CIBAR1: variants seen among roughly 807,000 people sequenced by gnomAD.
CIBAR1 encodes CBY1-interacting BAR domain-containing protein 1.
A neutral mutation model predicts 44.0 loss-of-function variants in CIBAR1; 25 were observed. That is an observed-to-expected ratio of 0.57 (90% confidence interval 0.41 to 0.79). The LOEUF (loss-of-function observed/expected upper bound fraction) is 0.79. Ranked by LOEUF, CIBAR1 falls within the 30% of genes least tolerant of loss-of-function variation. The probability of loss-of-function intolerance (pLI) is 0.00; values close to 1 mark genes in which losing one functional copy is unlikely to be tolerated. For synonymous variants in CIBAR1, 115 were observed against 119.0 expected (o/e 0.97, Z 0.22); for missense variants, 278 against 344.8 (o/e 0.81, Z 1.53).
chr8:93,723,851 G>GT (rs2130376891), intron 7 of CIBAR1, among the ~76,000 whole-genome samples: 1 of 152,248 alleles, frequency 6.6e-6, no homozygotes, highest in Admixed American at 6.5e-5. Flanking sequence ...ACAGTTTGTT[G>GT]TAATTCTAGG....
chr8:93,711,772 C>T (rs1810832749), intron 6 of CIBAR1, among the ~76,000 whole-genome samples: 1 of 152,158 alleles, frequency 6.6e-6, no homozygotes, highest in South Asian at 2.1e-4. Context: ...TTTTCATTTA[C>T]ACATGGAAAT....
At chr8:93,725,717 T>C (rs1362011674) in intron 7 of CIBAR1, 2 of 151,914 alleles carry the variant, frequency 1.3e-5, no homozygotes, top group African/African-American at 4.8e-5. Flanking sequence ...AAAATGCACA[T>C]TGGAACTAAA....
chr8:93,714,952 G>A (rs1048137916), intron 6 of CIBAR1, among the ~76,000 whole-genome samples: 1 of 152,222 alleles, frequency 6.6e-6, no homozygotes, highest in Non-Finnish European at 1.5e-5. Flanking sequence ...TCAGGCTACT[G>A]CTTCTGATAA....
intron 7 of CIBAR1, among the ~76,000 whole-genome samples, chr8:93,724,767 C>G (rs556237478): frequency 6.6e-6 from 1 of 152,290 alleles, no homozygotes; most frequent in Non-Finnish European, 1.5e-5. Context: ...CCACGTGAAC[C>G]ACATTTCAAG....
At chr8:93,725,074 C>T (rs1377324891) in intron 7 of CIBAR1, among the ~76,000 whole-genome samples, 1 of 152,072 alleles carries the variant, frequency 6.6e-6, no homozygotes. Context: ...CCTCTGCCTC[C>T]CAGGCTCAAG....
chr8:93,708,050 C>G (rs1316397253), intron 5 of CIBAR1, 34 bp downstream of exon 5: 2 of 1,522,674 alleles, frequency 1.3e-6, no homozygotes, highest in Admixed American at 3.7e-5. Context: ...AGAAATGGAT[C>G]CTTATAGTAA....
At chr8:93,701,559 G>C in intron 2 of CIBAR1, 101 bp downstream of exon 2, 2 of 941,748 alleles carry the variant, frequency 2.1e-6, no homozygotes, top group Non-Finnish European at 3.2e-6. Context: ...AACTGCAGAG[G>C]TGGATGCAAA....
chr8:93,711,059 A>G (rs1320134034), intron 6 of CIBAR1, among the ~76,000 whole-genome samples: 1 of 152,202 alleles, frequency 6.6e-6, no homozygotes, highest in Non-Finnish European at 1.5e-5. Context: ...ATGATATGGT[A>G]TCTTAGTCAA....
chr8:93,702,340 G>C (rs1454803260), intron 2 of CIBAR1: 1 of 390,828 alleles, frequency 2.6e-6, no homozygotes, highest in Admixed American at 3.2e-5. Flanking sequence ...AATTATATAT[G>C]ATAACTGGGG....
At chr8:93,728,088 T>G in intron 8 of CIBAR1, 117 bp from the exon 9 acceptor site, 1 of 498,184 alleles carries the variant, frequency 2.0e-6, no homozygotes, top group East Asian at 3.7e-5. Context: ...AATTATGACA[T>G]GGACATTTTT....
Position 93,729,217 on chromosome 8 carries a change from A to G in CIBAR1, c.*920A>G, listed in dbSNP as rs1219451980. 7 of 152,156 alleles carry G rather than the reference A, an allele frequency of 4.6e-5. No individual in the cohort carries two copies. Among genetic ancestry groups the G allele is most frequent in the Non-Finnish European group, 8.8e-5 (6 of 67,976 alleles). The allele number at this position is 152,156 out of a possible 1,614,324, so 9.4% of individuals were successfully genotyped here. A position where few individuals can be genotyped will look rare whatever the true frequency, so the allele number is the denominator to read the frequency against. ...GGATAATTAGAAAATGCAATTATTC[A>G]TAACAGAAAAATAAAGACTTTCTAG... On this transcript the variant is annotated 3_prime_UTR_variant, in exon 9 of 9. Coordinates refer to ENST00000518322, the MANE Select transcript of CIBAR1 (RefSeq NM_145269.5).
rs1008373500 is a variant in CIBAR1 at position 93,701,024 on chromosome 8, C to T, written c.27-200C>T. ...TAAGGCCAGGCCCACCCGGCCTGGG[C>T]CTTTTCCTGTGCCTACACAGTCCGG... On this transcript the variant is annotated intron_variant, in intron 1 of 8. Coordinates refer to ENST00000518322, the MANE Select transcript of CIBAR1 (RefSeq NM_145269.5). The T allele has an allele frequency of 1.9e-5, 27 of 1,431,002 alleles. No homozygotes were observed. In the African/African-American group the frequency reaches 3.7e-4, roughly 20 times the overall value. The allele number at this position is 1,431,002 out of a possible 1,614,324, so 88.6% of individuals were successfully genotyped here.
intron 8 of CIBAR1, 200 bp downstream of exon 8, chr8:93,726,713 T>C: frequency 1.8e-6 from 1 of 568,062 alleles, no homozygotes; most frequent in Non-Finnish European, 3.0e-6. Context: ...TGTAATTACA[T>C]ATTACTCTCT....
At chr8:93,701,065 C>A in intron 1 of CIBAR1, 159 bp from the exon 2 acceptor site, 1 of 1,472,630 alleles carries the variant, frequency 6.8e-7, no homozygotes. Context: ...GAGGTCAGGA[C>A]CCCATGGAGA....
intron 7 of CIBAR1, 144 bp downstream of exon 7, chr8:93,718,932 C>T (rs1365181719): frequency 9.4e-6 from 4 of 426,484 alleles, no homozygotes; most frequent in African/African-American, 6.1e-5. Flanking sequence ...AGTGTGATCT[C>T]AGCTCACTGC....
intron 8 of CIBAR1, among the ~76,000 whole-genome samples, chr8:93,727,587 T>G (rs962526994): frequency 1.3e-5 from 2 of 152,158 alleles, no homozygotes; most frequent in African/African-American, 4.8e-5. Context: ...CAAGCAGATA[T>G]TAGCATCCCC....
rs934827849 is a variant in CIBAR1 at position 93,730,258 on chromosome 8, C to T, written c.*1961C>T. 4.6e-5 allele frequency: 7 copies of T among 152,188 alleles called. No individual in the cohort carries two copies. Among genetic ancestry groups the T allele is most frequent in the Non-Finnish European group, 8.8e-5 (6 of 68,044 alleles). The allele number at this position is 152,188 out of a possible 1,614,324, so 9.4% of individuals were successfully genotyped here. A position where few individuals can be genotyped will look rare whatever the true frequency, so the allele number is the denominator to read the frequency against. ...TGCAAAAACAGAGGCAGCAAGGTCA[C>T]TACTTAACAGGTGATATATGGATCA... On this transcript the variant is annotated 3_prime_UTR_variant, in exon 9 of 9. Coordinates refer to ENST00000518322, the MANE Select transcript of CIBAR1 (RefSeq NM_145269.5).
At chr8:93,713,315 G>T (rs1810906990) in intron 6 of CIBAR1, among the ~76,000 whole-genome samples, 1 of 152,172 alleles carries the variant, frequency 6.6e-6, no homozygotes, top group Admixed American at 6.5e-5. Flanking sequence ...TTACAGGCGT[G>T]AGCCACCATG....
chr8:93,707,320 C>T (rs113151906), intron 4 of CIBAR1: 1 of 318,290 alleles, frequency 3.1e-6, no homozygotes. Flanking sequence ...TTGAGACTTT[C>T]AGAAATAAAT....
Sources: gnomAD v4.1 joint callset for allele counts (sites outside exome capture counted in the v4.1 genomes callset) on GRCh38, gnomAD v4.1.1 for gene constraint, MANE v1.5 for transcripts, NCBI Gene and HGNC (gene_info 2026-07-23, HGNC 2026-07-21) for gene names.